The following MAGI1 variants were observed in gnomAD, a reference collection of about 807,000 sequenced individuals.
MAGI1 encodes membrane associated guanylate kinase, WW and PDZ domain containing 1, also known as membrane-associated guanylate kinase, WW and PDZ domain-containing protein 1.
In MAGI1, 58 loss-of-function variants were observed where a neutral mutation model predicts 139.9. The observed-to-expected ratio is 0.41, with a 90% CI of 0.34 to 0.52. The LOEUF is 0.52. MAGI1 is among the 20% of genes least tolerant of loss of function. The probability of loss-of-function intolerance (pLI) is 0.12; values close to 1 mark genes in which losing one functional copy is unlikely to be tolerated. For missense variants in MAGI1, 1,874 were observed against 1,901.6 expected (o/e 0.99, Z 0.27); for synonymous variants, 812 against 737.9 (o/e 1.10, Z -1.63).
At position 65,948,153 on chromosome 3, in the gene MAGI1, A is replaced by G. The variant is rs193125347; in HGVS notation, c.313+89843T>C. 8.2e-4 allele frequency among the ~76,000 whole-genome samples: 125 copies of G among 151,720 alleles called. 1 individual carries two copies. Among genetic ancestry groups the G allele is most frequent in the Middle Eastern group, 3.4e-3 (1 of 292 alleles). Reference sequence around the variant, plus strand: ...GAGACGGGGTTTCACCATGTTGGCCAGGCTGGTCTCAAACTCCTAACCTTA... The same window carrying G: ...GAGACGGGGTTTCACCATGTTGGCCGGGCTGGTCTCAAACTCCTAACCTTA... On this transcript the variant is annotated intron_variant, in intron 1 of 22. Coordinates refer to ENST00000402939, the MANE Select transcript of MAGI1 (RefSeq NM_001033057.2).
intron 1 of MAGI1, among the ~76,000 whole-genome samples, chr3:65,795,183 A>C (rs951410657): frequency 2.0e-5 from 3 of 152,226 alleles, no homozygotes; most frequent in African/African-American, 7.2e-5. Flanking sequence ...CAAACACACA[A>C]AAACATTTGC....
In MAGI1 at chr3:65,710,607, T is replaced by C. The variant is rs1020322670; in HGVS notation, c.314-88519A>G. Reference sequence around the variant, plus strand: ...CTTACATTTCTAAAGCACTAAGAAGTTTCTAGATTTGAGTTAACACTATTA... The same window carrying C: ...CTTACATTTCTAAAGCACTAAGAAGCTTCTAGATTTGAGTTAACACTATTA... On this transcript the variant is annotated intron_variant, in intron 1 of 22. Coordinates refer to ENST00000402939, the MANE Select transcript of MAGI1 (RefSeq NM_001033057.2). 3.9e-5 allele frequency among the ~76,000 whole-genome samples: 6 copies of C among 152,194 alleles called. No individual in the cohort carries two copies. The South Asian group carries it at 6.2e-4, about 16-fold the overall frequency.
rs113960079 is a variant in MAGI1, at chr3:66,028,159, G to T, written c.313+9837C>A. Among the ~76,000 whole-genome samples, 18 of 152,240 alleles carry T rather than the reference G, an allele frequency of 1.2e-4. 1 individual carries two copies. Among genetic ancestry groups the T allele is most frequent in the African/African-American group, 4.3e-4 (18 of 41,540 alleles). ...ATCTCTACAAACAAACAAATAGCCA[G>T]GTGTGGTGGGTGCATGCCTGCAGTC... On this transcript the variant is annotated intron_variant, in intron 1 of 22. Coordinates refer to ENST00000402939, the MANE Select transcript of MAGI1 (RefSeq NM_001033057.2).
intron 2 of MAGI1, among the ~76,000 whole-genome samples, chr3:65,505,475 C>T (rs1195130717): frequency 6.6e-6 from 1 of 151,322 alleles, no homozygotes; most frequent in Non-Finnish European, 1.5e-5. Context: ...GAAACCTTGT[C>T]TCTAAAAAAA....
intron 1 of MAGI1, among the ~76,000 whole-genome samples, chr3:65,799,871 TAC>T (rs1389132382): frequency 6.6e-6 from 1 of 152,218 alleles, no homozygotes; most frequent in African/African-American, 2.4e-5. Flanking sequence ...CCCAACGCTT[TAC>T]ATTTAAATAT....
intron 5 of MAGI1, among the ~76,000 whole-genome samples, chr3:65,453,840 C>T (rs1949199002): frequency 6.6e-6 from 1 of 152,176 alleles, no homozygotes; most frequent in African/African-American, 2.4e-5. Flanking sequence ...ACTACCAATA[C>T]ACATCATTAA....
At chr3:65,646,861 C>T (rs748156762) in intron 1 of MAGI1, among the ~76,000 whole-genome samples, 3 of 151,790 alleles carry the variant, frequency 2.0e-5, no homozygotes, top group East Asian at 1.9e-4. Context: ...AAAAAAACAA[C>T]GTGTCAAAAT....
intron 1 of MAGI1, among the ~76,000 whole-genome samples, chr3:65,667,827 G>C (rs1009915919): frequency 2.6e-5 from 4 of 152,118 alleles, no homozygotes; most frequent in Non-Finnish European, 5.9e-5. Context: ...GCCTCCCAAA[G>C]TGCTGGGATT....
At chr3:65,858,796 T>C (rs9826956) in intron 1 of MAGI1, among the ~76,000 whole-genome samples, 22,315 of 152,256 alleles carry the variant, frequency 0.15, 1,744 homozygotes, top group African/African-American at 0.2. Context: ...TGCAAATATA[T>C]CTGCTCCAAC....
chr3:65,758,409 T>C (rs1443586088), intron 1 of MAGI1, among the ~76,000 whole-genome samples: 2 of 152,220 alleles, frequency 1.3e-5, no homozygotes, highest in African/African-American at 4.8e-5. Flanking sequence ...TTTTAATCAC[T>C]TGGAGCTCAT....
chr3:65,759,342 T>C (rs1455013958), intron 1 of MAGI1, among the ~76,000 whole-genome samples: 1 of 152,176 alleles, frequency 6.6e-6, no homozygotes, highest in Admixed American at 6.5e-5. Flanking sequence ...ATCTATAAAA[T>C]GGGGATGTGT....
intron 1 of MAGI1, among the ~76,000 whole-genome samples, chr3:65,637,572 G>GAAAGAAAGAAAGAAAC (rs2084708850): frequency 1.5e-4 from 20 of 135,388 alleles, no homozygotes; most frequent in African/African-American, 5.0e-4. Flanking sequence ...AAGAAAGAAA[G>GAAAGAAAGAAAGAAAC]AAAGAAAGAA....
chr3:65,441,900 G>A (rs1353317035), intron 8 of MAGI1, among the ~76,000 whole-genome samples: 1 of 152,028 alleles, frequency 6.6e-6, no homozygotes, highest in Non-Finnish European at 1.5e-5. Flanking sequence ...CATATCACCA[G>A]GGTATTATAC....
intron 1 of MAGI1, among the ~76,000 whole-genome samples, chr3:65,803,361 C>T (rs921236397): frequency 6.6e-6 from 1 of 152,010 alleles, no homozygotes; most frequent in Non-Finnish European, 1.5e-5. Flanking sequence ...TCCCTCAATG[C>T]TCAATGCTTA....
chr3:65,407,610 G>A (rs904954339), intron 12 of MAGI1, among the ~76,000 whole-genome samples: 3 of 152,090 alleles, frequency 2.0e-5, no homozygotes, highest in African/African-American at 7.2e-5. Flanking sequence ...GACATGAACA[G>A]CAGGGTAAAA....
At chr3:65,991,216 A>G (rs551320492) in intron 1 of MAGI1, among the ~76,000 whole-genome samples, 2 of 150,582 alleles carry the variant, frequency 1.3e-5, no homozygotes, top group East Asian at 3.9e-4. Flanking sequence ...TTGAACCCAG[A>G]AGGTGGCGGT....
chr3:65,580,993 T>C (rs1438778724), intron 2 of MAGI1, among the ~76,000 whole-genome samples: 1 of 152,168 alleles, frequency 6.6e-6, no homozygotes. Flanking sequence ...AGCCCTTCTC[T>C]GAGCTTAGGG....
At chr3:65,885,126 C>T (rs1003833092) in intron 1 of MAGI1, among the ~76,000 whole-genome samples, 6 of 152,120 alleles carry the variant, frequency 3.9e-5, no homozygotes, top group African/African-American at 1.4e-4. Context: ...AGGTCGGGCG[C>T]AGCAGCTCAC....
chr3:65,510,301 G>A (rs973067456), intron 2 of MAGI1, among the ~76,000 whole-genome samples: 5 of 152,222 alleles, frequency 3.3e-5, no homozygotes, highest in Non-Finnish European at 5.9e-5. Flanking sequence ...AAAGCTGGAT[G>A]GAGAATGACT....
Sources: gnomAD v4.1 joint callset for allele counts (sites outside exome capture counted in the v4.1 genomes callset) on GRCh38, gnomAD v4.1.1 for gene constraint, MANE v1.5 for transcripts, NCBI Gene and HGNC (gene_info 2026-07-23, HGNC 2026-07-21) for gene names.